PDE4D: variants seen among roughly 807,000 people sequenced by gnomAD.
The protein encoded by PDE4D is 3',5'-cyclic-AMP phosphodiesterase 4D.
A neutral mutation model predicts 87.4 loss-of-function variants in PDE4D; 24 were observed. The observed-to-expected ratio is 0.27, with a 90% CI of 0.20 to 0.39. PDE4D has a LOEUF of 0.39. Ranked by LOEUF, PDE4D falls within the 10% of genes least tolerant of loss-of-function variation. PDE4D has a pLI of 1.00. For synonymous variants in PDE4D, 384 were observed against 383.2 expected, an observed-to-expected ratio of 1.00 and a Z score of -0.02; for missense variants, 714 against 1,041.0, an observed-to-expected ratio of 0.69 and a Z score of 4.32.
chr5:59,305,720 A>C (rs571837479), intron 1 of PDE4D, among the ~76,000 whole-genome samples: 3 of 152,196 alleles, frequency 2.0e-5, no homozygotes, highest in Admixed American at 1.3e-4. Flanking sequence ...TGAAGATTCC[A>C]TTTGGAGTTG....
At chr5:59,674,930 C>G (rs1408126908) in intron 1 of PDE4D, among the ~76,000 whole-genome samples, 1 of 152,176 alleles carries the variant, frequency 6.6e-6, no homozygotes, top group African/African-American at 2.4e-5. Flanking sequence ...GAGGAAACTT[C>G]CTTAATCACA....
intron 11 of PDE4D, among the ~76,000 whole-genome samples, chr5:58,984,819 T>C (rs1001623847): frequency 1.3e-5 from 2 of 152,244 alleles, no homozygotes; most frequent in African/African-American, 4.8e-5. Context: ...GTACTTTTGA[T>C]ACTTTTTTTC....
chr5:60,048,239 T>C (rs1002468899), intron 2 of PDE4D, among the ~76,000 whole-genome samples: 2 of 152,146 alleles, frequency 1.3e-5, no homozygotes, highest in African/African-American at 4.8e-5. Context: ...TCCATCCTTT[T>C]ATTTTGAGCC....
chr5:59,337,330 C>T (rs971517773), intron 1 of PDE4D, among the ~76,000 whole-genome samples: 9 of 141,616 alleles, frequency 6.4e-5, no homozygotes, highest in East Asian at 2.0e-4. Flanking sequence ...AGTTCCCCCC[C>T]CCCCACCTTT....
chr5:59,066,244 A>T (rs1763904657), intron 5 of PDE4D, among the ~76,000 whole-genome samples: 1 of 152,118 alleles, frequency 6.6e-6, no homozygotes, highest in Admixed American at 6.5e-5. Flanking sequence ...CTGTGTGATA[A>T]GGGCTCCAAA....
chr5:59,270,525 T>C (rs1763619876), intron 1 of PDE4D, among the ~76,000 whole-genome samples: 1 of 152,196 alleles, frequency 6.6e-6, no homozygotes, highest in East Asian at 1.9e-4. Flanking sequence ...TGTTCTTTAT[T>C]GTCTGTTATA....
chr5:59,476,906 C>T (rs1000491627), intron 1 of PDE4D, among the ~76,000 whole-genome samples: 1 of 151,850 alleles, frequency 6.6e-6, no homozygotes, highest in Non-Finnish European at 1.5e-5. Context: ...CATTACAGCA[C>T]GTAACAATAA....
chr5:59,342,819 A>T (rs1561996292), intron 1 of PDE4D, among the ~76,000 whole-genome samples: 1 of 152,154 alleles, frequency 6.6e-6, no homozygotes, highest in Non-Finnish European at 1.5e-5. Context: ...TATTTAACTG[A>T]CAAACATTGC....
rs557998126 is a variant in PDE4D, at chr5:59,033,761, C to T, written c.921+5098G>A. Among the ~76,000 whole-genome samples, 3 of 151,900 alleles carry T rather than the reference C, an allele frequency of 2.0e-5. No individual in the cohort carries two copies. The South Asian group carries it at 6.2e-4, about 32-fold the overall frequency. On this transcript the variant is annotated intron_variant, in intron 6 of 14. Coordinates refer to ENST00000340635, the MANE Select transcript of PDE4D (RefSeq NM_001104631.2). ...TATGTTTCGGAATTTTTTTCGAAAA[C>T]GTAGACAGTTCATAATGCTCTCAGA...
chr5:59,993,034 A>C (rs1763167599), intron 2 of PDE4D, among the ~76,000 whole-genome samples: 1 of 152,232 alleles, frequency 6.6e-6, no homozygotes, highest in African/African-American at 2.4e-5. Context: ...TTATTGTTAG[A>C]AAATGGCATT....
chr5:60,459,988 G>T (rs1746796965), intron 1 of PDE4D: 3 of 860,888 alleles, frequency 3.5e-6, no homozygotes, highest in South Asian at 2.8e-5. Flanking sequence ...TTCTCATTCT[G>T]CTTCTTCATC....
chr5:59,818,939 G>A (rs1769319486), intron 1 of PDE4D, among the ~76,000 whole-genome samples: 1 of 142,852 alleles, frequency 7.0e-6, no homozygotes, highest in South Asian at 2.3e-4. Flanking sequence ...GAGATAAATA[G>A]GGGGGGAATT....
chr5:59,916,752 T>C (rs1048396969), intron 3 of PDE4D, among the ~76,000 whole-genome samples: 2 of 152,028 alleles, frequency 1.3e-5, no homozygotes, highest in Admixed American at 6.6e-5. Context: ...ATTGGGAATA[T>C]AGTATTTTTT....
chr5:59,478,953 G>A (rs551278434), intron 1 of PDE4D, among the ~76,000 whole-genome samples: 1 of 151,992 alleles, frequency 6.6e-6, no homozygotes, highest in East Asian at 1.9e-4. Flanking sequence ...TAAAATTTGA[G>A]GTTCAATGAT....
intron 2 of PDE4D, among the ~76,000 whole-genome samples, chr5:60,065,705 C>T (rs536256906): frequency 3.3e-5 from 5 of 152,050 alleles, no homozygotes; most frequent in African/African-American, 7.2e-5. Context: ...TTTGTCCTTG[C>T]GATAGCTTGC....
In PDE4D at chr5:60,143,603, T is replaced by TTGTGTGTGTGTGTGTG. The variant is rs34236719; in HGVS notation, c.42+41938_42+41953dup. Among the ~76,000 whole-genome samples, 220 of 117,742 alleles carry TTGTGTGTGTGTGTGTG rather than the reference T, an allele frequency of 1.9e-3. 5 individuals are homozygous for TTGTGTGTGTGTGTGTG. The highest frequency in any genetic ancestry group is 6.4e-3 in the African/African-American group (194 of 30,146). The allele number at this position is 117,742 out of a possible 152,430, so 77.2% of individuals were successfully genotyped here. On this transcript the variant is annotated intron_variant, in intron 2 of 16. Transcript: ENST00000502484. ...AAATGACCTAGGAGCAGCTTGGGAATTGTGTGTGTGTGTGTGTGTGTGTGT... is the reference window on the plus strand; with the variant it reads ...AAATGACCTAGGAGCAGCTTGGGAATTGTGTGTGTGTGTGTGTGTGTGTGTGTGTGTGTGTGTGTGT...
chr5:59,171,692 A>G (rs1581176741), intron 5 of PDE4D, among the ~76,000 whole-genome samples: 1 of 149,638 alleles, frequency 6.7e-6, no homozygotes, highest in African/African-American at 2.5e-5. Flanking sequence ...TCCTCCCCTA[A>G]CCACATGGAA....
At chr5:59,347,670 G>C (rs1311173584) in intron 1 of PDE4D, among the ~76,000 whole-genome samples, 1 of 152,108 alleles carries the variant, frequency 6.6e-6, no homozygotes, top group Non-Finnish European at 1.5e-5. Context: ...GTAATAGAAA[G>C]TATATTGTAA....
chr5:59,709,188 G>A (rs1337043205), intron 1 of PDE4D, among the ~76,000 whole-genome samples: 7 of 151,894 alleles, frequency 4.6e-5, no homozygotes, highest in African/African-American at 9.7e-5. Flanking sequence ...CTGCAGCCCC[G>A]GGAAAAAGAA....
Sources: allele counts gnomAD v4.1 joint callset (sites outside exome capture counted in the v4.1 genomes callset), GRCh38; gene constraint gnomAD v4.1.1; transcripts MANE v1.5; gene names NCBI Gene and HGNC (gene_info 2026-07-23, HGNC 2026-07-21).